The following FAF1 variants were observed in gnomAD, a reference collection of about 807,000 sequenced individuals.
The protein encoded by FAF1 is FAS-associated factor 1.
In FAF1, 25 loss-of-function variants were observed where a neutral mutation model predicts 92.5. That is an observed-to-expected ratio of 0.27 (90% CI 0.20 to 0.38). The LOEUF (loss-of-function observed/expected upper bound fraction) is 0.38. Among genes scored for constraint, FAF1 ranks in the 10% least tolerant of loss-of-function variants. FAF1 has a pLI of 1.00. For missense variants in FAF1, 636 were observed against 793.3 expected, an observed-to-expected ratio of 0.80 and a Z score of 2.38; for synonymous variants, 234 against 273.2, an observed-to-expected ratio of 0.86 and a Z score of 1.42.
intron 1 of FAF1, among the ~76,000 whole-genome samples, chr1:50,893,335 C>T (rs1436930641): frequency 6.6e-6 from 1 of 152,196 alleles, no homozygotes; most frequent in Non-Finnish European, 1.5e-5. Context: ...CTTGGGAAGA[C>T]TTTCCAGGTA....
intron 7 of FAF1, among the ~76,000 whole-genome samples, chr1:50,680,244 T>C (rs1300806331): frequency 1.3e-5 from 2 of 152,234 alleles, no homozygotes; most frequent in Non-Finnish European, 2.9e-5. Context: ...ATATTACAAC[T>C]TGTTTTTTGG....
At chr1:50,479,530 T>C (rs1260208204) in intron 17 of FAF1, among the ~76,000 whole-genome samples, 1 of 152,220 alleles carries the variant, frequency 6.6e-6, no homozygotes, top group Non-Finnish European at 1.5e-5. Context: ...ATTTTTGTTA[T>C]GATTATTCCT....
chr1:50,622,232 TA>T (rs1369981424), intron 8 of FAF1, among the ~76,000 whole-genome samples: 5 of 151,452 alleles, frequency 3.3e-5, no homozygotes, highest in African/African-American at 1.2e-4. Flanking sequence ...CCATGGAGGA[TA>T]AAGGGTCCGC....
At chr1:50,641,821 C>A (rs752263496) in intron 8 of FAF1, among the ~76,000 whole-genome samples, 2 of 152,054 alleles carry the variant, frequency 1.3e-5, no homozygotes, top group African/African-American at 2.4e-5. Flanking sequence ...AAACTGTTAC[C>A]AGGCACATAC....
At chr1:50,462,695 A>C (rs954572545) in intron 18 of FAF1, among the ~76,000 whole-genome samples, 4 of 152,176 alleles carry the variant, frequency 2.6e-5, no homozygotes, top group Non-Finnish European at 5.9e-5. Flanking sequence ...GGTGATGGCT[A>C]TCTCTAGGGA....
chr1:50,543,413 G>C (rs1648849690), intron 13 of FAF1, among the ~76,000 whole-genome samples: 1 of 152,078 alleles, frequency 6.6e-6, no homozygotes, highest in Non-Finnish European at 1.5e-5. Context: ...CTCTATTTAA[G>C]GGTTCCTGAT....
chr1:50,517,528 T>A (rs951312302), intron 15 of FAF1, among the ~76,000 whole-genome samples: 1 of 152,202 alleles, frequency 6.6e-6, no homozygotes, highest in Non-Finnish European at 1.5e-5. Context: ...ACTATTATTA[T>A]CCCCATTTTA....
At chr1:50,511,402 C>A (rs999439352) in intron 15 of FAF1, among the ~76,000 whole-genome samples, 4 of 152,082 alleles carry the variant, frequency 2.6e-5, no homozygotes, top group African/African-American at 9.7e-5. Context: ...CCTAACCCCC[C>A]ACCCAACCCA....
chr1:50,948,558 A>C (rs1411290458), intron 1 of FAF1, among the ~76,000 whole-genome samples: 1 of 146,676 alleles, frequency 6.8e-6, no homozygotes, highest in East Asian at 2.0e-4. Flanking sequence ...TTTGAGGCAG[A>C]GTCTTGCTCT....
chr1:50,843,843 T>A (rs544003327), intron 2 of FAF1, among the ~76,000 whole-genome samples: 1 of 152,148 alleles, frequency 6.6e-6, no homozygotes, highest in Non-Finnish European at 1.5e-5. Flanking sequence ...GCAATAAGCA[T>A]AGGGGTGCAG....
At chr1:50,890,072 A>G (rs2124699236) in intron 1 of FAF1, among the ~76,000 whole-genome samples, 1 of 152,340 alleles carries the variant, frequency 6.6e-6, no homozygotes, top group African/African-American at 2.4e-5. Context: ...ATGTATATTT[A>G]GGATAGTTAG....
At chr1:50,947,716 A>T (rs1645181723) in intron 1 of FAF1, among the ~76,000 whole-genome samples, 1 of 152,238 alleles carries the variant, frequency 6.6e-6, no homozygotes, top group Admixed American at 6.5e-5. Context: ...ATAAAAGCTA[A>T]ACAAGAGCAG....
At chr1:50,478,809 G>T (rs1038321689) in intron 17 of FAF1, among the ~76,000 whole-genome samples, 2 of 152,038 alleles carry the variant, frequency 1.3e-5, no homozygotes, top group Non-Finnish European at 1.5e-5. Flanking sequence ...AGTCAGTGTT[G>T]TATTGTATAA....
intron 8 of FAF1, among the ~76,000 whole-genome samples, chr1:50,649,399 T>A (rs1654755216): frequency 6.7e-6 from 1 of 149,330 alleles, no homozygotes; most frequent in Non-Finnish European, 1.5e-5. Flanking sequence ...GATCCACCCA[T>A]CTTGGCCTCC....
At chr1:50,760,377 A>T (rs1660275524) in intron 4 of FAF1, among the ~76,000 whole-genome samples, 1 of 152,162 alleles carries the variant, frequency 6.6e-6, no homozygotes, top group Non-Finnish European at 1.5e-5. Flanking sequence ...AAATCAACAG[A>T]ACATACATTT....
rs1645300757 is a variant in FAF1 at position 50,959,812 on chromosome 1, G to A, written c.-1C>T. On this transcript the variant is annotated 5_prime_UTR_variant, in exon 1 of 19. Transcript: ENST00000396153. ...TCTCCCGGTCCATGTTGGACGCCAT[G>A]GCGGCCGCCGAGTTCCGCGGCTCCG... 1.9e-6 allele frequency: 3 copies of A among 1,566,892 alleles called. No individual in the cohort carries two copies. The highest frequency in any genetic ancestry group is 2.8e-5 in the African/African-American group (2 of 71,794).
intron 15 of FAF1, among the ~76,000 whole-genome samples, chr1:50,508,758 A>G (rs1490490182): frequency 6.6e-6 from 1 of 152,166 alleles, no homozygotes; most frequent in Non-Finnish European, 1.5e-5. Context: ...CTGGAGTGCA[A>G]TGGCACAATC....
At chr1:50,704,899 A>G (rs1226233367) in intron 7 of FAF1, among the ~76,000 whole-genome samples, 6 of 152,254 alleles carry the variant, frequency 3.9e-5, no homozygotes, top group African/African-American at 1.2e-4. Flanking sequence ...TATTTCTGAA[A>G]GAAAACACTA....
intron 6 of FAF1, among the ~76,000 whole-genome samples, chr1:50,717,710 C>T (rs1270837619): frequency 2.6e-5 from 4 of 152,140 alleles, no homozygotes; most frequent in Non-Finnish European, 5.9e-5. Flanking sequence ...CTCAGAGACA[C>T]TTAAGACCTG....
Sources: gnomAD v4.1 joint callset for allele counts (sites outside exome capture counted in the v4.1 genomes callset) on GRCh38, gnomAD v4.1.1 for gene constraint, MANE v1.5 for transcripts, NCBI Gene and HGNC (gene_info 2026-07-23, HGNC 2026-07-21) for gene names.